FAM3C: variants seen among roughly 807,000 people sequenced by gnomAD.
FAM3C encodes the protein protein FAM3C.
A neutral mutation model predicts 32.5 loss-of-function variants in FAM3C; 15 were observed. The observed-to-expected ratio is 0.46, with a 90% confidence interval of 0.31 to 0.71. The LOEUF is 0.71. Ranked by LOEUF, FAM3C falls within the 30% of genes least tolerant of loss-of-function variation. The probability of loss-of-function intolerance (pLI) is 0.05; values close to 1 mark genes in which losing one functional copy is unlikely to be tolerated. For missense variants in FAM3C, 175 were observed against 274.4 expected, an observed-to-expected ratio of 0.64 and a Z score of 2.56; for synonymous variants, 75 against 86.1, an observed-to-expected ratio of 0.87 and a Z score of 0.72.
intron 5 of FAM3C, among the ~76,000 whole-genome samples, chr7:121,366,894 C>T (rs1053095082): frequency 5.3e-5 from 8 of 152,092 alleles, no homozygotes; most frequent in South Asian, 2.1e-4. Flanking sequence ...CTGTGATTAA[C>T]GGGTTAAGTG....
chr7:121,362,322 A>T (rs1203362521), intron 7 of FAM3C, among the ~76,000 whole-genome samples: 1 of 152,198 alleles, frequency 6.6e-6, no homozygotes, highest in Non-Finnish European at 1.5e-5. Context: ...TTGCTTTACA[A>T]GAAAGAAAAT....
At position 121,350,564 on chromosome 7, in the gene FAM3C, G is replaced by A. The variant is rs746376831; in HGVS notation, c.595-14C>T. ...GTTCTTTATGTGCTATTGGAACACA[G>A]TAATAATATACAGTTTAAAAAACCG... On this transcript the variant is annotated splice_polypyrimidine_tract_variant and intron_variant, in intron 9 of 9. Coordinates refer to ENST00000359943, the MANE Select transcript of FAM3C (RefSeq NM_014888.3). 8.1e-6 allele frequency: 13 copies of A among 1,611,980 alleles called. No homozygotes were observed. The highest frequency in any genetic ancestry group is 1.1e-5 in the South Asian group (1 of 91,018).
intron 5 of FAM3C, among the ~76,000 whole-genome samples, chr7:121,365,175 G>C (rs771166606): frequency 1.3e-5 from 2 of 152,122 alleles, no homozygotes; most frequent in Non-Finnish European, 2.9e-5. Context: ...TTCTCACAGA[G>C]TATTTTAGTT....
intron 5 of FAM3C, among the ~76,000 whole-genome samples, chr7:121,368,618 C>T (rs1208954258): frequency 1.3e-5 from 2 of 152,062 alleles, no homozygotes; most frequent in Non-Finnish European, 2.9e-5. Context: ...TCACGACATG[C>T]CAGAATTTGA....
rs1794387971 is a variant in FAM3C at position 121,382,990 on chromosome 7, G to C, written c.-21C>G. 1 of 1,592,144 alleles carries C rather than the reference G, an allele frequency of 6.3e-7. No homozygotes were observed. The highest frequency in any genetic ancestry group is 8.6e-7 in the Non-Finnish European group (1 of 1,164,616). On this transcript the variant is annotated 5_prime_UTR_variant, in exon 2 of 10. Transcript: ENST00000359943. ...CTCATGTTTGGTTTTTCAGTTTATGGCACTTTTCATTAATATGCTCCTAAA... is the reference window on the plus strand; with the variant it reads ...CTCATGTTTGGTTTTTCAGTTTATGCCACTTTTCATTAATATGCTCCTAAA...
At chr7:121,372,973 G>GTC in intron 3 of FAM3C, among the ~76,000 whole-genome samples, 1 of 152,098 alleles carries the variant, frequency 6.6e-6, no homozygotes, top group African/African-American at 2.4e-5. Context: ...TGTTTAAAAA[G>GTC]AGGAAAATGA....
At chr7:121,388,348 A>G (rs1385024575) in intron 1 of FAM3C, among the ~76,000 whole-genome samples, 1 of 152,030 alleles carries the variant, frequency 6.6e-6, no homozygotes, top group African/African-American at 2.4e-5. Flanking sequence ...CAGCAACTAG[A>G]AAAGTATCCC....
intron 5 of FAM3C, among the ~76,000 whole-genome samples, chr7:121,367,932 C>T (rs1398678925): frequency 6.6e-6 from 1 of 151,764 alleles, no homozygotes; most frequent in Non-Finnish European, 1.5e-5. Context: ...CGTCACTGTA[C>T]TCCAGCCTGG....
intron 1 of FAM3C, among the ~76,000 whole-genome samples, chr7:121,384,209 T>C (rs1794419140): frequency 6.6e-6 from 1 of 152,194 alleles, no homozygotes; most frequent in South Asian, 2.1e-4. Flanking sequence ...TTGTGTGTCA[T>C]TGATTTCCTT....
chr7:121,358,305 T>A lies in FAM3C; in HGVS notation c.467+1738A>T, dbSNP rs185689877. 3.0e-3 allele frequency among the ~76,000 whole-genome samples: 459 copies of A among 152,196 alleles called. 4 individuals carry two copies. Among genetic ancestry groups the A allele is most frequent in the South Asian group, 0.014 (69 of 4,824 alleles). Reference sequence around the variant, plus strand: ...ATACATAAAAATACAAATTTCTGTATAAATCTTGTAGTATTAAGGCTCTGT... The same window carrying A: ...ATACATAAAAATACAAATTTCTGTAAAAATCTTGTAGTATTAAGGCTCTGT... On this transcript the variant is annotated intron_variant, in intron 8 of 9. Coordinates refer to ENST00000359943, the MANE Select transcript of FAM3C (RefSeq NM_014888.3).
chr7:121,372,893 G>A (rs746806210), intron 3 of FAM3C, among the ~76,000 whole-genome samples: 3 of 152,168 alleles, frequency 2.0e-5, no homozygotes, highest in Non-Finnish European at 2.9e-5. Context: ...TACTATTTTA[G>A]ATAATTGTGA....
chr7:121,386,885 G>A (rs1325104649), intron 1 of FAM3C, among the ~76,000 whole-genome samples: 38 of 151,914 alleles, frequency 2.5e-4, no homozygotes, highest in Admixed American at 2.5e-3. Flanking sequence ...AGGTTACTCC[G>A]ATGTTGCATT....
chr7:121,378,565 G>GCTTCAAGTTTTCTAGCAGCCAACTTAAA (rs1272258225), intron 3 of FAM3C, among the ~76,000 whole-genome samples: 1 of 152,120 alleles, frequency 6.6e-6, no homozygotes, highest in Non-Finnish European at 1.5e-5. Flanking sequence ...GCTAGATTTG[G>GCTTCAAGTTTTCTAGCAGCCAACTTAAA]CTTCAAGTTT....
chr7:121,378,969 A>G lies in FAM3C; in HGVS notation c.59T>C (p.Phe20Ser), dbSNP rs1374952786. The change falls in exon 3 of 10, where the codon TTT (phenylalanine) becomes TCT (serine). Residue 20 changes from phenylalanine to serine, a missense_variant. Phe to Ser is a radical substitution (Grantham distance 155). Transcript: ENST00000359943. ...TTCAAATACTTGAGAAATAACATAA[A>G]ATGTCAGTAAAAACACTGCCACAGC... ...VVAVAVFLLT[F>S]YVISQVFEIK... The G allele has an allele frequency of 6.3e-7, 1 of 1,580,144 alleles. No homozygotes were observed. The highest frequency in any genetic ancestry group is 2.3e-5 in the East Asian group (1 of 43,530).
intron 5 of FAM3C, among the ~76,000 whole-genome samples, chr7:121,367,600 A>G (rs994588433): frequency 6.6e-6 from 1 of 152,210 alleles, no homozygotes; most frequent in Non-Finnish European, 1.5e-5. Context: ...AATTATTCCT[A>G]ATATCAAATT....
chr7:121,385,433 A>T (rs907305106), intron 1 of FAM3C, among the ~76,000 whole-genome samples: 2 of 152,200 alleles, frequency 1.3e-5, no homozygotes, highest in Non-Finnish European at 2.9e-5. Flanking sequence ...CAGCCACCAC[A>T]ATGTCGCTGG....
intron 8 of FAM3C, 145 bp downstream of exon 8, chr7:121,359,898 G>C: frequency 5.0e-6 from 3 of 601,334 alleles, no homozygotes; most frequent in Non-Finnish European, 8.8e-6. Flanking sequence ...CCAGGAAGGA[G>C]GCAAAGTAAA....
chr7:121,387,729 A>T (rs1395142489), intron 1 of FAM3C, among the ~76,000 whole-genome samples: 2 of 152,070 alleles, frequency 1.3e-5, no homozygotes, highest in Non-Finnish European at 2.9e-5. Context: ...TATAAAAATT[A>T]TGTTCTTGGG....
At chr7:121,377,881 T>C (rs1794270820) in intron 3 of FAM3C, among the ~76,000 whole-genome samples, 1 of 152,216 alleles carries the variant, frequency 6.6e-6, no homozygotes, top group African/African-American at 2.4e-5. Flanking sequence ...TAGATTTGTG[T>C]AAGTACACTC....
Sources: gnomAD v4.1 joint callset for allele counts (sites outside exome capture counted in the v4.1 genomes callset) on GRCh38, gnomAD v4.1.1 for gene constraint, MANE v1.5 for transcripts, NCBI Gene and HGNC (gene_info 2026-07-23, HGNC 2026-07-21) for gene names.